MEIOB: variants seen among roughly 807,000 people sequenced by gnomAD.
MEIOB encodes the protein meiosis specific with OB-fold, also known as meiosis-specific with OB domain-containing protein.
A neutral mutation model predicts 53.1 loss-of-function variants in MEIOB; 50 were observed. The ratio of observed to expected loss-of-function variants is 0.94; its 90% confidence interval spans 0.75 to 1.19. The LOEUF is 1.19. Ranked by LOEUF, MEIOB falls within the 50% of genes most tolerant of loss-of-function variation. The pLI, the probability that MEIOB is intolerant of heterozygous loss-of-function variation, is 0.00. For missense variants in MEIOB, 551 were observed against 550.8 expected (o/e 1.00, Z 0.00); for synonymous variants, 192 against 182.5 (o/e 1.05, Z -0.42).
intron 1 of MEIOB, among the ~76,000 whole-genome samples, chr16:1,869,801 A>G (rs903677509): frequency 1.1e-4 from 16 of 152,142 alleles, no homozygotes; most frequent in African/African-American, 3.6e-4. Context: ...AGCTTACCTC[A>G]AAAAATACAG....
intron 4 of MEIOB, among the ~76,000 whole-genome samples, chr16:1,861,696 C>A (rs1567280551): frequency 6.6e-6 from 1 of 151,864 alleles, no homozygotes; most frequent in Admixed American, 6.6e-5. Context: ...GCCCACGCCA[C>A]CACACCCAGC....
At chr16:1,857,694 C>A in intron 6 of MEIOB, 41 bp downstream of exon 6, 1 of 1,494,656 alleles carries the variant, frequency 6.7e-7, no homozygotes. Context: ...CTGCACCTCC[C>A]CTGCCAGATT....
At chr16:1,848,094 C>T (rs1464918718) in intron 9 of MEIOB, among the ~76,000 whole-genome samples, 5 of 151,316 alleles carry the variant, frequency 3.3e-5, no homozygotes, top group African/African-American at 9.7e-5. Flanking sequence ...ATCACAGGCA[C>T]GCGCCACCAT....
At chr16:1,856,016 C>A (rs57407778) in intron 6 of MEIOB, among the ~76,000 whole-genome samples, 18,261 of 149,772 alleles carry the variant, frequency 0.12, 1,136 homozygotes, top group East Asian at 0.15. Flanking sequence ...ATTTATCAAC[C>A]CAGAATCTCG....
intron 6 of MEIOB, among the ~76,000 whole-genome samples, chr16:1,857,141 C>A (rs1361688775): frequency 6.6e-6 from 1 of 152,212 alleles, no homozygotes; most frequent in East Asian, 1.9e-4. Context: ...TCTGGTCTGT[C>A]CAACTACAGA....
chr16:1,866,059 AATC>A (rs1418119699), intron 2 of MEIOB, among the ~76,000 whole-genome samples: 1 of 152,228 alleles, frequency 6.6e-6, no homozygotes, highest in Non-Finnish European at 1.5e-5. Context: ...TTACAAATAT[AATC>A]ATTTAATACT....
At chr16:1,839,460 G>C (rs748618534) in intron 11 of MEIOB, 22 bp from the exon 12 acceptor site, 1 of 1,581,168 alleles carries the variant, frequency 6.3e-7, no homozygotes, top group Non-Finnish European at 8.6e-7. Flanking sequence ...CAAAGACAAT[G>C]ATAAAATGTG....
chr16:1,846,847 G>C (rs1233454817), intron 9 of MEIOB, among the ~76,000 whole-genome samples: 2 of 152,182 alleles, frequency 1.3e-5, no homozygotes, highest in East Asian at 1.9e-4. Flanking sequence ...AATAGCTAAT[G>C]CATGTGGGGC....
At chr16:1,870,834 C>A (rs1324743901) in intron 1 of MEIOB, among the ~76,000 whole-genome samples, 1 of 152,168 alleles carries the variant, frequency 6.6e-6, no homozygotes, top group Non-Finnish European at 1.5e-5. Flanking sequence ...CAAATTCATT[C>A]ACTCATTCAA....
intron 5 of MEIOB, among the ~76,000 whole-genome samples, chr16:1,860,053 CT>C (rs1899405437): frequency 1.3e-5 from 2 of 152,238 alleles, no homozygotes; most frequent in South Asian, 4.1e-4. Flanking sequence ...TCGAAGGAAT[CT>C]GCCCTAAGAT....
In MEIOB at chr16:1,855,698, A is replaced by T. The variant is rs7206232; in HGVS notation, c.529-1498T>A. On this transcript the variant is annotated intron_variant, in intron 6 of 13. Coordinates refer to ENST00000325962, the MANE Select transcript of MEIOB (RefSeq NM_001163560.3). The stretch of plus-strand genomic sequence containing the variant: ...AATTGAGCACTCCTTTGAACAACTG[A>T]ATAGGATTGAACATAAACTGCCTAC... 1.0e-3 allele frequency among the ~76,000 whole-genome samples: 159 copies of T among 152,312 alleles called. 1 individual carries two copies. Among genetic ancestry groups the T allele is most frequent in the African/African-American group, 3.6e-3 (148 of 41,554 alleles).
chr16:1,850,854 G>C (rs1899153138), intron 9 of MEIOB, among the ~76,000 whole-genome samples: 1 of 151,908 alleles, frequency 6.6e-6, no homozygotes, highest in African/African-American at 2.4e-5. Context: ...CCGGGAGGCG[G>C]AGCTTGCAGT....
chr16:1,867,832 T>G (rs1404370486), intron 2 of MEIOB, among the ~76,000 whole-genome samples: 1 of 152,164 alleles, frequency 6.6e-6, no homozygotes, highest in Non-Finnish European at 1.5e-5. Context: ...TATAAAATAT[T>G]AAGTAAAATA....
chr16:1,839,129 T>A, intron 12 of MEIOB, 126 bp downstream of exon 12: 1 of 1,154,138 alleles, frequency 8.7e-7, no homozygotes, highest in East Asian at 2.7e-5. Context: ...GCAAGATGAT[T>A]TTTTCCCAGG....
intron 7 of MEIOB, among the ~76,000 whole-genome samples, chr16:1,853,478 T>A (rs1196018407): frequency 6.6e-6 from 1 of 152,114 alleles, no homozygotes; most frequent in Admixed American, 6.6e-5. Flanking sequence ...CAACACACAC[T>A]CTCCTCTAGT....
chr16:1,866,909 T>C (rs1843282261), intron 2 of MEIOB, among the ~76,000 whole-genome samples: 1 of 152,190 alleles, frequency 6.6e-6, no homozygotes, highest in South Asian at 2.1e-4. Context: ...CTTTATTGCT[T>C]ATTTAGACAC....
chr16:1,844,300 T>G (rs561882127), intron 10 of MEIOB, among the ~76,000 whole-genome samples: 1 of 151,840 alleles, frequency 6.6e-6, no homozygotes, highest in South Asian at 2.1e-4. Flanking sequence ...TTTTTTGTAT[T>G]TTTAGTAGAG....
At chr16:1,868,404 G>C (rs1305695954) in intron 1 of MEIOB, among the ~76,000 whole-genome samples, 1 of 152,048 alleles carries the variant, frequency 6.6e-6, no homozygotes, top group Non-Finnish European at 1.5e-5. Flanking sequence ...GCGGGCACCA[G>C]TAATCCCAGC....
intron 5 of MEIOB, 148 bp downstream of exon 5, chr16:1,860,255 T>C (rs1260934945): frequency 4.0e-6 from 2 of 503,040 alleles, no homozygotes; most frequent in Non-Finnish European, 6.9e-6. Flanking sequence ...TATGTCATAA[T>C]CAAAGATGAA....
Sources: gnomAD v4.1 joint callset for allele counts (sites outside exome capture counted in the v4.1 genomes callset) on GRCh38, gnomAD v4.1.1 for gene constraint, MANE v1.5 for transcripts, NCBI Gene and HGNC (gene_info 2026-07-23, HGNC 2026-07-21) for gene names.